SLC47A2: variants seen among roughly 807,000 people sequenced by gnomAD.
The protein encoded by SLC47A2 is solute carrier family 47 member 2, also known as multidrug and toxin extrusion protein 2.
SLC47A2 carries 52 observed loss-of-function variants against 67.7 expected under a neutral mutation model. That is an observed-to-expected ratio of 0.77 (90% confidence interval 0.61 to 0.97). The LOEUF is 0.97. Among genes scored for constraint, SLC47A2 ranks in the 50% least tolerant of loss-of-function variants. SLC47A2 has a pLI of 0.00. For synonymous variants in SLC47A2, 278 were observed against 292.9 expected (o/e 0.95, Z 0.52); for missense variants, 676 against 712.3 (o/e 0.95, Z 0.58).
intron 5 of SLC47A2, among the ~76,000 whole-genome samples, chr17:19,709,693 G>A (rs945703646): frequency 1.3e-5 from 2 of 152,144 alleles, no homozygotes; most frequent in Non-Finnish European, 2.9e-5. Context: ...AGCATTCCAA[G>A]TGTTAGCCAC....
intron 10 of SLC47A2, 66 bp from the exon 11 acceptor site, chr17:19,704,244 G>T: frequency 7.2e-7 from 1 of 1,385,664 alleles, no homozygotes; most frequent in Non-Finnish European, 9.9e-7. Flanking sequence ...TCCTGAGCCA[G>T]CCTGGGCCAA....
In SLC47A2 at chr17:19,716,526, CA is replaced by C. The variant is rs1003892883; in HGVS notation, c.29del (p.Leu10ArgfsTer38). MDSLQDTVA[L>X]DHGGCCPALS... ...GGGCAGGGCAGCAGCCCCCATGGTCCAGGGCCACTGTGTCCTGGAGGCTGTC... is the reference window on the plus strand; with the variant it reads ...GGGCAGGGCAGCAGCCCCCATGGTCCGGGCCACTGTGTCCTGGAGGCTGTC... On this transcript the variant is annotated frameshift_variant, in exon 1 of 17. Transcript: ENST00000433844. LOFTEE classifies it high-confidence loss of function. 2 of 1,611,200 alleles carry C rather than the reference CA, an allele frequency of 1.2e-6. No individual in the cohort carries two copies. The highest frequency in any genetic ancestry group is 1.7e-6 in the Non-Finnish European group (2 of 1,178,976).
At chr17:19,693,094 G>A (rs1354075528) in intron 13 of SLC47A2, among the ~76,000 whole-genome samples, 4 of 151,938 alleles carry the variant, frequency 2.6e-5, no homozygotes, top group Non-Finnish European at 4.4e-5. Context: ...TTACGCCACT[G>A]CACTCCAGCC....
intron 13 of SLC47A2, among the ~76,000 whole-genome samples, chr17:19,697,067 G>A (rs185978460): frequency 7.9e-4 from 120 of 152,286 alleles, no homozygotes; most frequent in Admixed American, 2.7e-3. Flanking sequence ...TGAGGCGGGC[G>A]GATGACGAGG....
intron 5 of SLC47A2, among the ~76,000 whole-genome samples, chr17:19,711,588 CAAAAAAAAAAAAAAAA>C (rs35308426): frequency 3.6e-4 from 12 of 33,002 alleles, no homozygotes; most frequent in Admixed American, 3.1e-3. Flanking sequence ...AACTCCGTCT[CAAAAAAAAAAAAAAAA>C]AAAAAAAAAA....
intron 9 of SLC47A2, among the ~76,000 whole-genome samples, chr17:19,705,964 T>C (rs1326305975): frequency 1.3e-5 from 2 of 152,180 alleles, no homozygotes; most frequent in East Asian, 3.9e-4. Flanking sequence ...TTCAGCCTGT[T>C]AGGAAAATTC....
intron 13 of SLC47A2, chr17:19,702,027 T>G: frequency 3.0e-5 from 18 of 596,692 alleles, no homozygotes; most frequent in Non-Finnish European, 3.6e-5. Flanking sequence ...GAGGATCACT[T>G]GAGCTCAGGA....
chr17:19,679,710 G>C (rs1442168665), intron 16 of SLC47A2, among the ~76,000 whole-genome samples: 4 of 151,954 alleles, frequency 2.6e-5, no homozygotes, highest in Non-Finnish European at 5.9e-5. Context: ...CTGAAAATGG[G>C]CATACATCTA....
chr17:19,705,350 C>A (rs1479388231), intron 10 of SLC47A2, 86 bp downstream of exon 10: 1 of 1,408,700 alleles, frequency 7.1e-7, no homozygotes, highest in Admixed American at 2.0e-5. Flanking sequence ...ACAGAGATAG[C>A]TTCAGGTGAC....
At chr17:19,706,186 GGGTTCTCACATTCA>G (rs760793616) in intron 9 of SLC47A2, among the ~76,000 whole-genome samples, 1 of 152,148 alleles carries the variant, frequency 6.6e-6, no homozygotes, top group Non-Finnish European at 1.5e-5. Context: ...GGCAGGGCAG[GGGTTCTCACATTCA>G]GGCTGCCTGG....
intron 7 of SLC47A2, 22 bp from the exon 8 acceptor site, chr17:19,707,865 G>C: frequency 6.4e-7 from 1 of 1,562,348 alleles, no homozygotes; most frequent in Non-Finnish European, 8.7e-7. Context: ...GGGAGAACAG[G>C]GCTGCGACTG....
In SLC47A2 at chr17:19,679,972, T is replaced by C; in HGVS notation, c.1460A>G (p.Glu487Gly). Reference protein sequence around the residue: ...AESTATRPGPEKAVLSSVATG... With the variant: ...AESTATRPGPGKAVLSSVATG... The stretch of plus-strand genomic sequence containing the variant: ...ATTACCTGAAGATAGGACTGCTTTC[T>C]CAGGCCCAGGTCTGGTTGCAGTGCT... Residue 487 changes from glutamate to glycine, a missense_variant, in exon 16 of 17, where the codon GAG (glutamate) becomes GGG (glycine). By Grantham distance (98) the Glu-to-Gly change is moderately conservative. Transcript: ENST00000433844. The C allele has an allele frequency of 1.9e-6, 3 of 1,613,916 alleles. No individual in the cohort carries two copies. Among genetic ancestry groups the C allele is most frequent in the Middle Eastern group, 1.7e-4 (1 of 6,058 alleles).
At chr17:19,708,971 C>T (rs548331307) in intron 5 of SLC47A2, among the ~76,000 whole-genome samples, 1 of 152,358 alleles carries the variant, frequency 6.6e-6, no homozygotes, top group South Asian at 2.1e-4. Flanking sequence ...CCCCTCAGGG[C>T]TCCCTTCTGC....
chr17:19,702,233 C>T (rs2085804370), intron 13 of SLC47A2: 3 of 985,354 alleles, frequency 3.0e-6, no homozygotes, highest in Non-Finnish European at 3.6e-6. Flanking sequence ...GTAGAAATGT[C>T]CCTCTGTGCT....
At chr17:19,705,377 A>G in intron 10 of SLC47A2, 59 bp downstream of exon 10, 1 of 1,538,894 alleles carries the variant, frequency 6.5e-7, no homozygotes, top group Non-Finnish European at 8.8e-7. Context: ...CCCCCCTCCT[A>G]TGACACCTCC....
rs367795736 is a variant in SLC47A2, at chr17:19,713,821, G to A, written c.443+4C>T. ...CCCACCTCCCCAGCCGGAGCCCAGC[G>A]CACCTGGACACGTCCGGGTCCTGCC... On this transcript the variant is annotated splice_donor_region_variant and intron_variant, in intron 4 of 16. Coordinates refer to ENST00000433844, the MANE Select transcript of SLC47A2 (RefSeq NM_001099646.3). 2 of 1,606,680 alleles carry A rather than the reference G, an allele frequency of 1.2e-6. No individual in the cohort carries two copies. Among genetic ancestry groups the A allele is most frequent in the East Asian group, 2.2e-5 (1 of 44,708 alleles).
chr17:19,692,498 G>C (rs2085564997), intron 13 of SLC47A2, among the ~76,000 whole-genome samples: 1 of 152,026 alleles, frequency 6.6e-6, no homozygotes, highest in Non-Finnish European at 1.5e-5. Context: ...ACAAGAAATA[G>C]GAAATCTGAA....
At chr17:19,716,339 G>A in intron 1 of SLC47A2, 94 bp downstream of exon 1, 1 of 1,470,056 alleles carries the variant, frequency 6.8e-7, no homozygotes. Context: ...TGGGGAAAAT[G>A]TGAGCACATT....
chr17:19,716,018 A>G (rs987597791), intron 1 of SLC47A2: 2 of 170,558 alleles, frequency 1.2e-5, no homozygotes, highest in Non-Finnish European at 2.5e-5. Context: ...ATTCCTCTTC[A>G]TGATCAGAAA....
Sources: gnomAD v4.1 joint callset for allele counts (sites outside exome capture counted in the v4.1 genomes callset) on GRCh38, gnomAD v4.1.1 for gene constraint, MANE v1.5 for transcripts, NCBI Gene and HGNC (gene_info 2026-07-23, HGNC 2026-07-21) for gene names.